Variants in JPH1 observed in about 807,000 individuals in gnomAD.
The protein encoded by JPH1 is junctophilin-1.
A neutral mutation model predicts 53.6 loss-of-function variants in JPH1; 12 were observed. The ratio of observed to expected loss-of-function variants is 0.22; its 90% CI spans 0.14 to 0.36. JPH1 has a LOEUF of 0.36. JPH1 is among the 10% of genes least tolerant of loss of function. JPH1 has a pLI of 1.00. For missense variants in JPH1, 808 were observed against 905.5 expected (o/e 0.89, Z 1.38); for synonymous variants, 375 against 363.8 (o/e 1.03, Z -0.35).
intron 3 of JPH1, among the ~76,000 whole-genome samples, chr8:74,245,907 G>GA (rs1202387251): frequency 8.7e-5 from 11 of 126,844 alleles, no homozygotes; most frequent in Non-Finnish European, 9.8e-5. Context: ...GACAGAGGAG[G>GA]AAAAAATGAA....
chr8:74,285,537 A>C (rs895533514), intron 2 of JPH1, among the ~76,000 whole-genome samples: 1 of 152,136 alleles, frequency 6.6e-6, no homozygotes, highest in Non-Finnish European at 1.5e-5. Flanking sequence ...TTAAAAATCA[A>C]TATTTCCTTT....
In JPH1 at chr8:74,244,660, A is replaced by T; in HGVS notation, c.1774T>A (p.Ser592Thr). Residue 592 changes from serine to threonine, a missense_variant, in exon 4 of 6, where the codon TCC (serine) becomes ACC (threonine). Ser to Thr is a moderately conservative substitution (Grantham distance 58). Transcript: ENST00000342232. Reference sequence around the variant, plus strand: ...GCAACTGGTTTTGTCACAGATTTGGAGGGACTCCACTTGTTAGCGGATGGC... The same window carrying T: ...GCAACTGGTTTTGTCACAGATTTGGTGGGACTCCACTTGTTAGCGGATGGC... ...HKPSANKWSP[S>T]KSVTKPVAKE... The T allele has an allele frequency of 6.2e-7, 1 of 1,614,134 alleles. No individual in the cohort carries two copies. The highest frequency in any genetic ancestry group is 8.5e-7 in the Non-Finnish European group (1 of 1,180,040).
intron 2 of JPH1, among the ~76,000 whole-genome samples, chr8:74,304,070 C>G (rs1807763210): frequency 6.6e-6 from 1 of 152,228 alleles, no homozygotes. Context: ...GGTTCTCACT[C>G]TGGATGCAGC....
chr8:74,246,709 T>C (rs1046469549), intron 3 of JPH1, among the ~76,000 whole-genome samples: 1 of 152,196 alleles, frequency 6.6e-6, no homozygotes, highest in African/African-American at 2.4e-5. Context: ...CATCGCAAGT[T>C]ATACTCAGGG....
chr8:74,244,508 A>AACGCTACTT, intron 4 of JPH1, 21 bp downstream of exon 4: 1 of 1,563,062 alleles, frequency 6.4e-7, no homozygotes. Flanking sequence ...AGAAAGAGAA[A>AACGCTACTT]ACGCTACTTG....
chr8:74,247,442 C>T (rs1242809892), intron 3 of JPH1, among the ~76,000 whole-genome samples: 1 of 152,090 alleles, frequency 6.6e-6, no homozygotes, highest in Non-Finnish European at 1.5e-5. Flanking sequence ...ACATAAAATA[C>T]AAAGTGCTTT....
At chr8:74,263,871 A>G (rs10504566) in intron 2 of JPH1, among the ~76,000 whole-genome samples, 10,690 of 152,198 alleles carry the variant, frequency 0.07, 957 homozygotes, top group African/African-American at 0.2. Context: ...GAGAGACCTA[A>G]ATTTGAGAAA....
rs1806988562 is a variant in JPH1, at chr8:74,236,061, A to G, written c.*990T>C. ...AACACTGATTACTGCAATCCATGCA[A>G]CGTTTGGACTATATTTCTTAGAATT... On this transcript the variant is annotated 3_prime_UTR_variant, in exon 6 of 6. Coordinates refer to ENST00000342232, the MANE Select transcript of JPH1 (RefSeq NM_020647.4). The G allele has an allele frequency of 1.3e-5, 2 of 152,236 alleles. No homozygotes were observed. The highest frequency in any genetic ancestry group is 4.1e-4 in the South Asian group (2 of 4,828). The allele number at this position is 152,236 out of a possible 1,614,324, so 9.4% of individuals were successfully genotyped here. A position where few individuals can be genotyped will look rare whatever the true frequency, so the allele number is the denominator to read the frequency against.
intron 3 of JPH1, among the ~76,000 whole-genome samples, chr8:74,255,014 T>G (rs1303734862): frequency 6.6e-6 from 1 of 152,164 alleles, no homozygotes; most frequent in East Asian, 1.9e-4. Flanking sequence ...AAGCTACCAA[T>G]GACTTTCTCC....
intron 3 of JPH1, among the ~76,000 whole-genome samples, chr8:74,248,089 T>C (rs1485579716): frequency 6.6e-6 from 1 of 152,186 alleles, no homozygotes. Flanking sequence ...CCTTTAGAAA[T>C]CTGATGTGTC....
At position 74,244,781 on chromosome 8, in the gene JPH1, G is replaced by A. The variant is rs769932666; in HGVS notation, c.1653C>T (p.His551=). The change falls in exon 4 of 6, where the codon CAC becomes CAT. Residue 551 remains histidine (H), a synonymous_variant. Transcript: ENST00000342232. ...PSNGELHSQY[H]GYYVKLNAPQ... Reference sequence around the variant, plus strand: ...GGGCGTTCAGCTTCACGTAGTAGCCGTGATACTGAGAATGCAGCTCCCCGT... The same window carrying A: ...GGGCGTTCAGCTTCACGTAGTAGCCATGATACTGAGAATGCAGCTCCCCGT... 1.1e-4 allele frequency: 182 copies of A among 1,614,214 alleles called. No individual in the cohort carries two copies. Among genetic ancestry groups the A allele is most frequent in the Middle Eastern group, 1.6e-4 (1 of 6,062 alleles).
chr8:74,294,025 C>T (rs1411108258), intron 2 of JPH1, among the ~76,000 whole-genome samples: 2 of 152,118 alleles, frequency 1.3e-5, no homozygotes, highest in Non-Finnish European at 2.9e-5. Flanking sequence ...ATCTCAGCCC[C>T]GACTTCCAAA....
intron 2 of JPH1, among the ~76,000 whole-genome samples, chr8:74,310,047 A>AC (rs1432849606): frequency 1.3e-5 from 2 of 152,180 alleles, no homozygotes; most frequent in African/African-American, 4.8e-5. Flanking sequence ...TGGCCAAGTT[A>AC]CCATCAAGGG....
At chr8:74,289,753 T>C in intron 2 of JPH1, among the ~76,000 whole-genome samples, 1 of 152,214 alleles carries the variant, frequency 6.6e-6, no homozygotes. Flanking sequence ...CATCAATACC[T>C]AGTTTATTGA....
At chr8:74,258,591 GT>G (rs1806303767) in intron 3 of JPH1, among the ~76,000 whole-genome samples, 1 of 152,042 alleles carries the variant, frequency 6.6e-6, no homozygotes, top group Non-Finnish European at 1.5e-5. Flanking sequence ...TCTTTAAGTG[GT>G]ATGCTGCTAT....
intron 2 of JPH1, among the ~76,000 whole-genome samples, chr8:74,303,811 T>C (rs1807752581): frequency 6.6e-6 from 1 of 152,168 alleles, no homozygotes; most frequent in African/African-American, 2.4e-5. Flanking sequence ...CTATACCACC[T>C]GCAGCCAGAG....
intron 2 of JPH1, among the ~76,000 whole-genome samples, chr8:74,301,931 G>A (rs546930891): frequency 4.3e-4 from 66 of 152,092 alleles, no homozygotes; most frequent in Non-Finnish European, 6.5e-4. Flanking sequence ...AGGGTACATG[G>A]GTTCAAAAAA....
At chr8:74,299,598 T>C (rs997086899) in intron 2 of JPH1, among the ~76,000 whole-genome samples, 8 of 152,242 alleles carry the variant, frequency 5.3e-5, no homozygotes, top group African/African-American at 1.9e-4. Flanking sequence ...GTACCCACTC[T>C]GGCTCGGGTG....
rs1234101778 is a variant in JPH1, at chr8:74,244,578, T to G, written c.1856A>C (p.Asn619Thr). 6.2e-7 allele frequency: 1 copy of G among 1,613,500 alleles called. No homozygotes were observed. Among genetic ancestry groups the G allele is most frequent in the Non-Finnish European group, 8.5e-7 (1 of 1,179,850 alleles). Reference sequence around the variant, plus strand: ...AGGGCATGAATCGTTGCTTGCTGGATTCTTTGGTATAGCAAGTTCAGACTT... The same window carrying G: ...AGGGCATGAATCGTTGCTTGCTGGAGTCTTTGGTATAGCAAGTTCAGACTT... ...AKKSELAIPK[N>T]PASNDSCPAL... Residue 619 changes from asparagine to threonine, a missense_variant, in exon 4 of 6, where the codon AAT (asparagine) becomes ACT (threonine). This residue lies in a region of JPH1 where 756 missense variants were observed against 811.9 expected (regional missense o/e 0.93). Transcript: ENST00000342232.
Sources: gnomAD v4.1 joint callset for allele counts (sites outside exome capture counted in the v4.1 genomes callset) on GRCh38, gnomAD v4.1.1 for gene constraint, gnomAD v4.1.1 regional missense constraint, MANE v1.5 for transcripts, NCBI Gene and HGNC (gene_info 2026-07-23, HGNC 2026-07-21) for gene names.